SORCS1: variants seen among roughly 807,000 people sequenced by gnomAD.
SORCS1 encodes VPS10 domain-containing receptor SorCS1.
Under a neutral mutation model 146.1 loss-of-function variants are expected in SORCS1, and 60 were observed. The ratio of observed to expected loss-of-function variants is 0.41; its 90% confidence interval spans 0.33 to 0.51. The LOEUF (loss-of-function observed/expected upper bound fraction) is 0.51. SORCS1 is among the 20% of genes least tolerant of loss of function. The probability of loss-of-function intolerance (pLI) is 0.21; values close to 1 mark genes in which losing one functional copy is unlikely to be tolerated. For missense variants in SORCS1, 1,352 were observed against 1,487.6 expected, an observed-to-expected ratio of 0.91 and a Z score of 1.50; for synonymous variants, 637 against 584.0, an observed-to-expected ratio of 1.09 and a Z score of -1.31.
At chr10:106,693,756 C>T (rs762106779) in intron 9 of SORCS1, among the ~76,000 whole-genome samples, 31 of 152,040 alleles carry the variant, frequency 2.0e-4, no homozygotes, top group Non-Finnish European at 4.4e-5. Flanking sequence ...ATCAGTCTTC[C>T]CATAAATATC....
chr10:106,776,320 C>T (rs1860427553), intron 4 of SORCS1, among the ~76,000 whole-genome samples: 1 of 152,126 alleles, frequency 6.6e-6, no homozygotes, highest in Non-Finnish European at 1.5e-5. Flanking sequence ...CTTAGTACAC[C>T]TAATCTTTAT....
chr10:107,134,617 C>T (rs1967127669), intron 1 of SORCS1, among the ~76,000 whole-genome samples: 1 of 151,882 alleles, frequency 6.6e-6, no homozygotes, highest in South Asian at 2.1e-4. Context: ...CCAGCCTGGG[C>T]ATCAGACCGA....
At chr10:106,767,788 G>T (rs1453576907) in intron 4 of SORCS1, among the ~76,000 whole-genome samples, 1 of 152,134 alleles carries the variant, frequency 6.6e-6, no homozygotes, top group Non-Finnish European at 1.5e-5. Flanking sequence ...ACCACGCCCG[G>T]CCCCTTAAAG....
chr10:107,055,804 G>T (rs1960567767), intron 1 of SORCS1, among the ~76,000 whole-genome samples: 1 of 143,938 alleles, frequency 6.9e-6, no homozygotes, highest in South Asian at 2.1e-4. Context: ...GCACCAGTCT[G>T]CTAAGAGCAC....
rs1406663985 is a variant in SORCS1 at position 106,848,298 on chromosome 10, G to C, written c.627-18625C>G. Reference sequence around the variant, plus strand: ...ATTGGGTGCATATATATTTAGGATAGTTAGCTCCTCTTGTTGAATTGATCC... The same window carrying C: ...ATTGGGTGCATATATATTTAGGATACTTAGCTCCTCTTGTTGAATTGATCC... On this transcript the variant is annotated intron_variant, in intron 2 of 25. Transcript: ENST00000263054. 7.0e-5 allele frequency among the ~76,000 whole-genome samples: 3 copies of C among 43,092 alleles called. No homozygotes were observed. In the East Asian group the frequency reaches 1.5e-3, roughly 22 times the overall value. 28.3% of individuals were successfully genotyped at this position (43,092 alleles called of 152,430 possible). A position where few individuals can be genotyped will look rare whatever the true frequency, so the allele number is the denominator to read the frequency against.
intron 18 of SORCS1, among the ~76,000 whole-genome samples, chr10:106,645,292 CCAAGTAGCTGGG>C (rs956682701): frequency 1.6e-4 from 24 of 152,066 alleles, no homozygotes; most frequent in African/African-American, 5.6e-4. Context: ...CCTCAGCTTC[CCAAGTAGCTGGG>C]ACTACGGGCA....
intron 2 of SORCS1, among the ~76,000 whole-genome samples, chr10:106,877,679 T>G (rs1042733565): frequency 1.3e-5 from 2 of 152,142 alleles, no homozygotes; most frequent in Non-Finnish European, 2.9e-5. Flanking sequence ...AATATGCCGG[T>G]CCTGACAGAA....
At chr10:106,881,773 G>A (rs955276502) in intron 2 of SORCS1, among the ~76,000 whole-genome samples, 3 of 152,150 alleles carry the variant, frequency 2.0e-5, no homozygotes, top group Admixed American at 6.5e-5. Context: ...TTTCTTACCC[G>A]ATATCCTATT....
At chr10:106,925,888 T>G (rs919027254) in intron 2 of SORCS1, among the ~76,000 whole-genome samples, 5 of 152,218 alleles carry the variant, frequency 3.3e-5, no homozygotes, top group Non-Finnish European at 7.3e-5. Flanking sequence ...ACAGGTTTAT[T>G]GGGCTCTCTA....
chr10:106,765,819 T>C (rs985426687), intron 4 of SORCS1, among the ~76,000 whole-genome samples: 2 of 151,912 alleles, frequency 1.3e-5, no homozygotes, highest in South Asian at 2.1e-4. Context: ...AAGCTTGCAA[T>C]TGTCAGTGTC....
At position 107,132,123 on chromosome 10, in the gene SORCS1, C is replaced by T. The variant is rs544645966; in HGVS notation, c.558+31846G>A. ...AAAGGCATCGAATACAGGTCAATTT[C>T]TCTCTCTCTCACCCTCTCTCCCTTT... On this transcript the variant is annotated intron_variant, in intron 1 of 25. Transcript: ENST00000263054. Among the ~76,000 whole-genome samples the T allele has an allele frequency of 1.4e-4, 21 of 151,984 alleles. No homozygotes were observed. The East Asian group carries it at 3.9e-3, about 28-fold the overall frequency.
At chr10:106,807,027 C>T (rs1408540839) in intron 3 of SORCS1, among the ~76,000 whole-genome samples, 3 of 152,114 alleles carry the variant, frequency 2.0e-5, no homozygotes, top group Non-Finnish European at 4.4e-5. Flanking sequence ...TCCTACTTCT[C>T]GTCATAATTT....
intron 7 of SORCS1, 132 bp downstream of exon 7, chr10:106,709,091 T>C (rs1162057462): frequency 4.6e-6 from 3 of 649,838 alleles, no homozygotes; most frequent in Non-Finnish European, 8.2e-6. Context: ...GATTTTCCCC[T>C]CTCTCCCTAC....
intron 1 of SORCS1, among the ~76,000 whole-genome samples, chr10:107,072,441 G>A (rs1182742717): frequency 6.6e-6 from 1 of 152,088 alleles, no homozygotes; most frequent in Non-Finnish European, 1.5e-5. Flanking sequence ...CCCGCCACCT[G>A]CACTGAGCAC....
At chr10:106,788,160 T>C (rs1946145590) in intron 3 of SORCS1, among the ~76,000 whole-genome samples, 3 of 152,084 alleles carry the variant, frequency 2.0e-5, no homozygotes, top group African/African-American at 7.2e-5. Context: ...GAGAACTCAC[T>C]CACTATCATG....
In SORCS1 at chr10:106,636,739, C is replaced by A. The variant is rs532888344; in HGVS notation, c.2476-7351G>T. On this transcript the variant is annotated intron_variant, in intron 18 of 25. Transcript: ENST00000263054. The stretch of plus-strand genomic sequence containing the variant: ...TGAGATTTGGGTGGGGACACAGAGC[C>A]AAACCATATCAATCTTCAACCCTAA... Among the ~76,000 whole-genome samples, 5 of 152,266 alleles carry A rather than the reference C, an allele frequency of 3.3e-5. No homozygotes were observed. In the East Asian group the frequency reaches 9.6e-4, roughly 29 times the overall value.
chr10:106,651,730 C>T (rs1456209647), intron 18 of SORCS1, among the ~76,000 whole-genome samples: 4 of 152,198 alleles, frequency 2.6e-5, no homozygotes, highest in Admixed American at 2.6e-4. Flanking sequence ...TGGAGACCAT[C>T]TTCCCCATTT....
chr10:106,744,606 T>C (rs895662951), intron 5 of SORCS1, among the ~76,000 whole-genome samples: 4 of 152,228 alleles, frequency 2.6e-5, no homozygotes, highest in Non-Finnish European at 4.4e-5. Context: ...GACTATACCA[T>C]ATTTTTCATG....
chr10:106,866,869 A>G (rs1277414506), intron 2 of SORCS1, among the ~76,000 whole-genome samples: 2 of 152,214 alleles, frequency 1.3e-5, no homozygotes, highest in Admixed American at 1.3e-4. Context: ...TCTACACTGC[A>G]CTTAAAGGAA....
Sources: allele counts gnomAD v4.1 joint callset (sites outside exome capture counted in the v4.1 genomes callset), GRCh38; gene constraint gnomAD v4.1.1; transcripts MANE v1.5; gene names NCBI Gene and HGNC (gene_info 2026-07-23, HGNC 2026-07-21).